MCM4: variants seen among roughly 807,000 people sequenced by gnomAD.
The protein encoded by MCM4 is DNA replication licensing factor MCM4.
A neutral mutation model predicts 88.7 loss-of-function variants in MCM4; 60 were observed. The ratio of observed to expected loss-of-function variants is 0.68; its 90% CI spans 0.55 to 0.84. The LOEUF is 0.84. Among genes scored for constraint, MCM4 ranks in the 40% least tolerant of loss-of-function variants. The probability of loss-of-function intolerance (pLI) is 0.00; values close to 1 mark genes in which losing one functional copy is unlikely to be tolerated. For synonymous variants in MCM4, 465 were observed against 410.5 expected, an observed-to-expected ratio of 1.13 and a Z score of -1.61; for missense variants, 1,149 against 1,105.5, an observed-to-expected ratio of 1.04 and a Z score of -0.56.
At chr8:47,962,693 C>G (rs2090855819) in intron 5 of MCM4, 71 bp from the exon 6 acceptor site, 4 of 838,406 alleles carry the variant, frequency 4.8e-6, no homozygotes, top group Non-Finnish European at 5.9e-6. Context: ...ATACTCATAA[C>G]TTTGTGTGTT....
At chr8:47,972,101 G>T (rs193146144) in intron 13 of MCM4, among the ~76,000 whole-genome samples, 1 of 151,716 alleles carries the variant, frequency 6.6e-6, no homozygotes, top group African/African-American at 2.4e-5. Flanking sequence ...GCGTGGCGGC[G>T]CATGCCTGTA....
In MCM4 at chr8:47,961,125, G is replaced by T. The variant is rs1241517349; in HGVS notation, c.-14-6G>T. ...GGCCCGGCCCGAGCTTGTCCTTGTC[G>T]CGCAGGTACTCCGAGCACTATGTCG... On this transcript the variant is annotated splice_polypyrimidine_tract_variant and splice_region_variant and intron_variant, in intron 1 of 16. Coordinates refer to ENST00000649973, the MANE Select transcript of MCM4 (RefSeq NM_182746.3). The T allele has an allele frequency of 1.9e-6, 3 of 1,548,856 alleles. No homozygotes were observed. Among genetic ancestry groups the T allele is most frequent in the Non-Finnish European group, 2.6e-6 (3 of 1,157,414 alleles).
In MCM4 at chr8:47,961,156, G is replaced by A. The variant is rs1293460399; in HGVS notation, c.12G>A (p.Pro4=). The A allele has an allele frequency of 1.3e-6, 2 of 1,552,844 alleles. No homozygotes were observed. Among genetic ancestry groups the A allele is most frequent in the East Asian group, 2.6e-5 (1 of 39,186 alleles). The stretch of plus-strand genomic sequence containing the variant: ...GTACTCCGAGCACTATGTCGTCCCC[G>A]GCGTCGACCCCGAGCCGCCGCGGCA... The part of the protein sequence containing the change: MSS[P]ASTPSRRGSR... Residue 4 remains proline, a synonymous_variant, in exon 2 of 17, where the codon CCG becomes CCA. Transcript: ENST00000649973.
chr8:47,968,079 G>T (rs1309487364), intron 10 of MCM4, among the ~76,000 whole-genome samples: 1 of 152,202 alleles, frequency 6.6e-6, no homozygotes, highest in Non-Finnish European at 1.5e-5. Context: ...CCACAAGAGT[G>T]CTCTTTGCAC....
rs138831035 is a variant in MCM4, at chr8:47,966,594, G to T, written c.1053+187G>T. On this transcript the variant is annotated intron_variant, in intron 9 of 16. Transcript: ENST00000649973. Reference sequence around the variant, plus strand: ...GAGCACGCAAAGCCCCTGCTTCAGGGCACTGTCCCTGTGCTGTTGCCAGTG... The same window carrying T: ...GAGCACGCAAAGCCCCTGCTTCAGGTCACTGTCCCTGTGCTGTTGCCAGTG... 5.4e-3 allele frequency among the ~76,000 whole-genome samples: 823 copies of T among 152,350 alleles called. 7 individuals are homozygous for T. The highest frequency in any genetic ancestry group is 8.0e-3 in the Non-Finnish European group (545 of 68,030).
At position 47,962,392 on chromosome 8, in the gene MCM4, A is replaced by G. The variant is rs34206069; in HGVS notation, c.487A>G (p.Lys163Glu). The change falls in exon 5 of 17, where the codon AAA (lysine) becomes GAA (glutamate). Residue 163 changes from lysine to glutamate, a missense_variant. Physicochemically the swap from Lys to Glu is moderately conservative, Grantham distance 56. Coordinates refer to ENST00000649973, the MANE Select transcript of MCM4 (RefSeq NM_182746.3). Reference sequence around the variant, plus strand: ...AACAGATGTAAATGTGGCAGCATGCAAAGAAAACTTTCAGGTGAGCTACAT... The same window carrying G: ...AACAGATGTAAATGTGGCAGCATGCGAAGAAAACTTTCAGGTGAGCTACAT... ...WGTDVNVAAC[K>E]ENFQRFLQRF... The G allele has an allele frequency of 4.6e-4, 747 of 1,614,236 alleles. No individual in the cohort carries two copies. In the Middle Eastern group the frequency reaches 6.3e-3, roughly 14 times the overall value.
In MCM4 at chr8:47,961,203, C is replaced by A. The variant is rs931085507; in HGVS notation, c.59C>A (p.Pro20His). 1.3e-6 allele frequency: 2 copies of A among 1,525,266 alleles called. No individual in the cohort carries two copies. Among genetic ancestry groups the A allele is most frequent in the East Asian group, 2.7e-5 (1 of 37,380 alleles). 94.5% of individuals were successfully genotyped at this position (1,525,266 alleles called of 1,614,324 possible). ...RRGSRRGRAT[P>H]AQTPRSEDAR... ...GGCAGCCGGCGTGGAAGGGCCACCC[C>A]CGCCCAGACGCGTGAGTCCCCCGAG... The change falls in exon 2 of 17, where the codon CCC becomes CAC. Residue 20 changes from proline to histidine, a missense_variant. Transcript: ENST00000649973.
chr8:47,967,543 G>C, intron 10 of MCM4, 58 bp downstream of exon 10: 4 of 1,605,814 alleles, frequency 2.5e-6, no homozygotes, highest in Non-Finnish European at 3.4e-6. Flanking sequence ...TCAATGCTGT[G>C]CTTTAGTGAG....
rs1480613729 is a variant in MCM4 at position 47,966,049 on chromosome 8, CAT to C, written c.833-136_833-135del. 1.8e-5 allele frequency: 12 copies of C among 668,472 alleles called. No homozygotes were observed. In the South Asian group the frequency reaches 2.1e-4, roughly 12 times the overall value. 41.4% of individuals were successfully genotyped at this position (668,472 alleles called of 1,614,324 possible). On this transcript the variant is annotated intron_variant, in intron 8 of 16. Transcript: ENST00000649973. ...GCTGGGCTTGAGAGTCTCCTGAAGA[CAT>C]AGCCTGCAGATGACTGGACACAGAA...
intron 14 of MCM4, among the ~76,000 whole-genome samples, 176 bp downstream of exon 14, chr8:47,973,240 G>A (rs1310581817): frequency 3.9e-5 from 6 of 152,092 alleles, no homozygotes; most frequent in South Asian, 2.1e-4. Flanking sequence ...GCTTGATCTC[G>A]GCTTACTGCA....
Position 47,961,173 on chromosome 8 carries a change from G to C in MCM4, c.29G>C (p.Arg10Pro). 1 of 1,549,922 alleles carries C rather than the reference G, an allele frequency of 6.5e-7. No homozygotes were observed. The highest frequency in any genetic ancestry group is 8.6e-7 in the Non-Finnish European group (1 of 1,158,240). Residue 10 changes from arginine (R) to proline (P), a missense_variant, in exon 2 of 17, where the codon CGC becomes CCC. By Grantham distance (103) the Arg-to-Pro change is moderately radical (BLOSUM62 -2). Transcript: ENST00000649973. Reference protein sequence around the residue: MSSPASTPSRRGSRRGRATP... With the variant: MSSPASTPSPRGSRRGRATP... Reference sequence around the variant, plus strand: ...TCGTCCCCGGCGTCGACCCCGAGCCGCCGCGGCAGCCGGCGTGGAAGGGCC... The same window carrying C: ...TCGTCCCCGGCGTCGACCCCGAGCCCCCGCGGCAGCCGGCGTGGAAGGGCC...
intron 12 of MCM4, among the ~76,000 whole-genome samples, chr8:47,971,138 C>T (rs1589832531): frequency 6.6e-6 from 1 of 152,332 alleles, no homozygotes; most frequent in East Asian, 1.9e-4. Context: ...TTATAGCACA[C>T]ATTCATCTAA....
chr8:47,974,634 C>T (rs17287732), intron 14 of MCM4, 100 bp from the exon 15 acceptor site: 13 of 886,586 alleles, frequency 1.5e-5, no homozygotes, highest in Admixed American at 1.4e-4. Context: ...ATCTGAGTTC[C>T]GTTTACTTAA....
chr8:47,963,700 G>A (rs2090869547), intron 7 of MCM4, among the ~76,000 whole-genome samples: 1 of 152,122 alleles, frequency 6.6e-6, no homozygotes, highest in Non-Finnish European at 1.5e-5. Flanking sequence ...AGAATATATT[G>A]TACTGTAGAC....
intron 13 of MCM4, among the ~76,000 whole-genome samples, chr8:47,972,232 T>C (rs185487350): frequency 7.7e-6 from 1 of 129,612 alleles, no homozygotes; most frequent in East Asian, 2.2e-4. Context: ...TGAGACTCTG[T>C]CTCAAAAAAA....
rs533617226 is a variant in MCM4, at chr8:47,971,788, C to T, written c.1928+320C>T. Among the ~76,000 whole-genome samples, 15 of 152,264 alleles carry T rather than the reference C, an allele frequency of 9.9e-5. No homozygotes were observed. In the East Asian group the frequency reaches 2.7e-3, roughly 27 times the overall value. On this transcript the variant is annotated intron_variant, in intron 13 of 16. Transcript: ENST00000649973. ...CTGAAAAGTTAGATTTATTAAAGTG[C>T]AATCACATAATCTTCACTCTTGGCC...
intron 5 of MCM4, 66 bp downstream of exon 5, chr8:47,962,472 C>G: frequency 6.6e-7 from 1 of 1,504,428 alleles, no homozygotes; most frequent in Non-Finnish European, 9.2e-7. Flanking sequence ...TGTTTATAAT[C>G]TATATCTAAG....
chr8:47,972,729 G>C, intron 13 of MCM4, 128 bp from the exon 14 acceptor site: 1 of 647,150 alleles, frequency 1.5e-6, no homozygotes, highest in Non-Finnish European at 2.7e-6. Context: ...GCTAATTGTT[G>C]CATTTTTAGT....
At chr8:47,975,983 A>C in intron 16 of MCM4, 135 bp downstream of exon 16, 1 of 709,968 alleles carries the variant, frequency 1.4e-6, no homozygotes, top group East Asian at 3.5e-5. Context: ...ACCATAAGCC[A>C]TCATCAAGAA....
Sources: gnomAD v4.1 joint callset for allele counts (sites outside exome capture counted in the v4.1 genomes callset) on GRCh38, gnomAD v4.1.1 for gene constraint, MANE v1.5 for transcripts, NCBI Gene and HGNC (gene_info 2026-07-23, HGNC 2026-07-21) for gene names.